The following NETO1 variants were observed in gnomAD, a reference collection of about 807,000 sequenced individuals.
The protein encoded by NETO1 is neuropilin and tolloid like 1, also known as neuropilin and tolloid-like protein 1.
In NETO1, 26 loss-of-function variants were observed where a neutral mutation model predicts 61.3. That is an observed-to-expected ratio of 0.42 (90% CI 0.31 to 0.59). The LOEUF (loss-of-function observed/expected upper bound fraction) is 0.59, where lower values mean the gene tolerates loss of function less well. Among genes scored for constraint, NETO1 ranks in the 20% least tolerant of loss-of-function variants. The probability of loss-of-function intolerance (pLI) is 0.12; values close to 1 mark genes in which losing one functional copy is unlikely to be tolerated. For synonymous variants in NETO1, 225 were observed against 225.8 expected (o/e 1.00, Z 0.03); for missense variants, 531 against 662.8 (o/e 0.80, Z 2.18).
chr18:72,864,690 T>G, intron 3 of NETO1, 118 bp downstream of exon 3: 1 of 1,280,100 alleles, frequency 7.8e-7, no homozygotes, highest in Non-Finnish European at 1.1e-6. Context: ...AGAGATATTT[T>G]TGCGCATGAT....
intron 4 of NETO1, among the ~76,000 whole-genome samples, chr18:72,804,812 T>C (rs1017145090): frequency 1.3e-5 from 2 of 152,228 alleles, no homozygotes; most frequent in Middle Eastern, 3.2e-3. Context: ...CCTAACAGGA[T>C]AGTCTTAGAA....
chr18:72,822,255 G>T (rs1288508520), intron 4 of NETO1, among the ~76,000 whole-genome samples: 2 of 152,186 alleles, frequency 1.3e-5, no homozygotes, highest in Non-Finnish European at 2.9e-5. Context: ...GGAGGGGCTG[G>T]GAAAGGATGG....
intron 6 of NETO1, among the ~76,000 whole-genome samples, chr18:72,785,369 A>C (rs754993449): frequency 6.6e-6 from 1 of 152,064 alleles, no homozygotes; most frequent in Non-Finnish European, 1.5e-5. Context: ...TTCACCTTCA[A>C]ACTAGTTGTT....
At chr18:72,742,621 G>A (rs776163587), downstream of NETO1, 17 of 152,136 alleles carry the variant, frequency 1.1e-4, no homozygotes, top group African/African-American at 3.9e-4. Flanking sequence ...TCAGCAGTAC[G>A]TACTATGTTG....
At chr18:72,864,734 T>C in intron 3 of NETO1, 74 bp downstream of exon 3, 1 of 1,590,840 alleles carries the variant, frequency 6.3e-7, no homozygotes, top group Non-Finnish European at 8.6e-7. Flanking sequence ...TATACGCATA[T>C]TCTTCATCCA....
At chr18:72,772,011 G>T (rs562516527) in intron 7 of NETO1, among the ~76,000 whole-genome samples, 1 of 152,114 alleles carries the variant, frequency 6.6e-6, no homozygotes, top group African/African-American at 2.4e-5. Context: ...CATGAAAAAT[G>T]TGGAGGCCTC....
intron 4 of NETO1, among the ~76,000 whole-genome samples, chr18:72,845,585 T>G (rs1392356996): frequency 4.6e-5 from 7 of 152,222 alleles, no homozygotes; most frequent in Admixed American, 4.6e-4. Context: ...CCGAGCATCA[T>G]GTAACATATT....
Position 72,748,099 on chromosome 18 carries a change from C to A in NETO1, c.*80G>T. 1 of 956,700 alleles carries A rather than the reference C, an allele frequency of 1.0e-6. No homozygotes were observed. The highest frequency in any genetic ancestry group is 5.4e-4 in the Middle Eastern group (1 of 1,858). 59.3% of individuals were successfully genotyped at this position (956,700 alleles called of 1,614,324 possible). A position where few individuals can be genotyped will look rare whatever the true frequency, so the allele number is the denominator to read the frequency against. ...AGTGGAATGAATTTAGAAATATGTCCACTTTTCACAATTCACTATAGAATT... is the reference window on the plus strand; with the variant it reads ...AGTGGAATGAATTTAGAAATATGTCAACTTTTCACAATTCACTATAGAATT... On this transcript the variant is annotated 3_prime_UTR_variant, in exon 11 of 11. Coordinates refer to ENST00000327305, the MANE Select transcript of NETO1 (RefSeq NM_138966.5).
At chr18:72,758,422 G>T (rs1599101722) in intron 7 of NETO1, among the ~76,000 whole-genome samples, 1 of 120,358 alleles carries the variant, frequency 8.3e-6, no homozygotes, top group Non-Finnish European at 2.0e-5. Flanking sequence ...GAGGAGGGGG[G>T]TGGGGGTGTT....
intron 7 of NETO1, among the ~76,000 whole-genome samples, chr18:72,770,941 TAACA>T (rs1479270499): frequency 6.6e-6 from 1 of 152,184 alleles, no homozygotes; most frequent in Non-Finnish European, 1.5e-5. Flanking sequence ...TTTCCATAAC[TAACA>T]AAGTTATTTA....
At chr18:72,773,334 T>C (rs1318792444) in intron 7 of NETO1, among the ~76,000 whole-genome samples, 1 of 152,258 alleles carries the variant, frequency 6.6e-6, no homozygotes, top group East Asian at 1.9e-4. Flanking sequence ...TCAATCAAGC[T>C]TTAAGAGCCT....
intron 7 of NETO1, among the ~76,000 whole-genome samples, chr18:72,780,752 C>T (rs1376177187): frequency 6.6e-6 from 1 of 152,130 alleles, no homozygotes; most frequent in African/African-American, 2.4e-5. Context: ...CTTTGAGACC[C>T]ATGAGACATA....
rs1207052999 is a variant in NETO1 at position 72,750,918 on chromosome 18, T to A, written c.983-298A>T. ...ACACACACACACACACACACAATCC[T>A]CTATCTATCTAATCTATCGTAGGTT... On this transcript the variant is annotated intron_variant, in intron 8 of 10. Transcript: ENST00000327305. Among the ~76,000 whole-genome samples, 5 of 82,954 alleles carry A rather than the reference T, an allele frequency of 6.0e-5. No individual in the cohort carries two copies. The Admixed American group carries it at 8.0e-4, about 13-fold the overall frequency. The allele number at this position is 82,954 out of a possible 152,430, so 54.4% of individuals were successfully genotyped here.
chr18:72,841,097 G>C (rs1386508280), intron 4 of NETO1, among the ~76,000 whole-genome samples: 1 of 152,178 alleles, frequency 6.6e-6, no homozygotes, highest in African/African-American at 2.4e-5. Flanking sequence ...GTCTTCAGGG[G>C]AATGGAGAGG....
chr18:72,844,683 C>T (rs1175333648), intron 4 of NETO1, among the ~76,000 whole-genome samples: 3 of 152,160 alleles, frequency 2.0e-5, no homozygotes, highest in South Asian at 2.1e-4. Context: ...TTTAGATAGT[C>T]ATTCAGGTAA....
At chr18:72,826,536 T>TC (rs2073379414) in intron 4 of NETO1, among the ~76,000 whole-genome samples, 1 of 152,110 alleles carries the variant, frequency 6.6e-6, no homozygotes, top group African/African-American at 2.4e-5. Context: ...CACTTTTTTT[T>TC]CACAATTCCT....
intron 7 of NETO1, among the ~76,000 whole-genome samples, chr18:72,777,721 G>T (rs570038948): frequency 6.6e-6 from 1 of 152,070 alleles, no homozygotes; most frequent in Non-Finnish European, 1.5e-5. Flanking sequence ...CCAGCCTGGG[G>T]GACAGAACGA....
intron 4 of NETO1, among the ~76,000 whole-genome samples, chr18:72,805,162 C>T (rs1568213766): frequency 6.6e-6 from 1 of 152,188 alleles, no homozygotes; most frequent in East Asian, 1.9e-4. Flanking sequence ...ATTAATTGGC[C>T]ATAGAAAAAT....
intron 4 of NETO1, chr18:72,835,284 ACT>A: frequency 6.3e-7 from 1 of 1,583,318 alleles, no homozygotes. Context: ...ATCACGAAAC[ACT>A]CTGTAGATCC....
Sources: gnomAD v4.1 joint callset for allele counts (sites outside exome capture counted in the v4.1 genomes callset) on GRCh38, gnomAD v4.1.1 for gene constraint, MANE v1.5 for transcripts, NCBI Gene and HGNC (gene_info 2026-07-23, HGNC 2026-07-21) for gene names.